The following BCKDHA variants were observed in gnomAD, a reference collection of about 807,000 sequenced individuals.
BCKDHA encodes 2-oxoisovalerate dehydrogenase subunit alpha, mitochondrial.
BCKDHA carries 43 observed loss-of-function variants against 52.2 expected under a neutral mutation model. That is an observed-to-expected ratio of 0.82 (90% CI 0.64 to 1.06). The LOEUF (loss-of-function observed/expected upper bound fraction) is 1.06. Among genes scored for constraint, BCKDHA ranks in the 50% least tolerant of loss-of-function variants. The pLI, the probability that BCKDHA is intolerant of heterozygous loss-of-function variation, is 0.00. For synonymous variants in BCKDHA, 234 were observed against 247.9 expected (o/e 0.94, Z 0.53); for missense variants, 527 against 621.3 (o/e 0.85, Z 1.61).
chr19:41,408,471 C>T (rs1455139755), intron 1 of BCKDHA, among the ~76,000 whole-genome samples: 1 of 152,144 alleles, frequency 6.6e-6, no homozygotes, highest in Non-Finnish European at 1.5e-5. Context: ...TGGTTCTAGG[C>T]TGCCTAGCTC....
intron 3 of BCKDHA, among the ~76,000 whole-genome samples, chr19:41,413,243 A>AAAGCAGACT (rs1055941233): frequency 4.1e-4 from 63 of 152,166 alleles, no homozygotes; most frequent in African/African-American, 1.5e-3. Context: ...CCAGAAAGCA[A>AAAGCAGACT]AAGCAGACTT....
chr19:41,402,129 C>A (rs531609552), intron 1 of BCKDHA, among the ~76,000 whole-genome samples: 1 of 152,252 alleles, frequency 6.6e-6, no homozygotes, highest in Admixed American at 6.5e-5. Flanking sequence ...CATCAGATCT[C>A]GTGAGACTTA....
rs532361185 is a variant in BCKDHA at position 41,422,173 on chromosome 19, C to A, written c.656C>A (p.Ala219Glu). 1 of 1,613,476 alleles carries A rather than the reference C, an allele frequency of 6.2e-7. No homozygotes were observed. Among genetic ancestry groups the A allele is most frequent in the African/African-American group, 1.3e-5 (1 of 74,988 alleles). Residue 219 changes from alanine (A) to glutamate (E), a missense_variant, in exon 6 of 9, where the codon GCG (alanine) becomes GAG (glutamate). Transcript: ENST00000269980. ...LATQIPQAVG[A>E]AYAAKRANAN... ...CTCTCATCCCCTGCAGCGGTGGGGG[C>A]GGCGTACGCAGCCAAGCGGGCCAAT... is the stretch of plus-strand genomic sequence containing the variant.
chr19:41,409,435 TC>T (rs1323088400), intron 1 of BCKDHA, among the ~76,000 whole-genome samples: 1 of 152,046 alleles, frequency 6.6e-6, no homozygotes, highest in East Asian at 1.9e-4. Context: ...CTGTCTTAGG[TC>T]CCCAGAACCC....
chr19:41,410,932 G>A lies in BCKDHA; in HGVS notation c.298G>A (p.Glu100Lys). Residue 100 changes from glutamate (E) to lysine (K), a missense_variant, in exon 3 of 9, where the codon GAG (glutamate) becomes AAG (lysine). Transcript: ENST00000269980. The part of the protein sequence containing the change: ...NPSEDPHLPK[E>K]KVLKLYKSMT... ...GTGCCTCCACCCGCAGCTGCCGAAG[G>A]AGAAGGTGCTGAAGCTCTACAAGAG... is the stretch of plus-strand genomic sequence containing the variant. The A allele has an allele frequency of 6.2e-7, 1 of 1,614,138 alleles. No homozygotes were observed. The highest frequency in any genetic ancestry group is 8.5e-7 in the Non-Finnish European group (1 of 1,180,026).
rs957516359 is a variant in BCKDHA at position 41,414,245 on chromosome 19, C to T, written c.484+88C>T. 28 of 1,284,682 alleles carry T rather than the reference C, an allele frequency of 2.2e-5. No individual in the cohort carries two copies. In the African/African-American group the frequency reaches 4.1e-4, roughly 19 times the overall value. The allele number at this position is 1,284,682 out of a possible 1,614,324, so 79.6% of individuals were successfully genotyped here. A position where few individuals can be genotyped will look rare whatever the true frequency, so the allele number is the denominator to read the frequency against. On this transcript the variant is annotated intron_variant, in intron 4 of 8. Transcript: ENST00000269980. The stretch of plus-strand genomic sequence containing the variant: ...GTGTTCTTCCAGGAGCAGCATAGTG[C>T]CAGGAAGGTCTAAGGAGCTGGAAGA...
rs4674 is a variant in BCKDHA at position 41,424,491 on chromosome 19, A to G, written c.1221A>G (p.Leu407=). ...AERKPKPNPN[L]LFSDVYQEMP... ...GGAAGCCCAAACCCAACCCCAACCT[A>G]CTCTTCTCAGACGTGTATCAGGAGA... is the stretch of plus-strand genomic sequence containing the variant. The change falls in exon 9 of 9, where the codon CTA becomes CTG. Residue 407 remains leucine (L), a synonymous_variant. Coordinates refer to ENST00000269980, the MANE Select transcript of BCKDHA (RefSeq NM_000709.4). 986,848 of 1,613,672 alleles carry G rather than the reference A, an allele frequency of 0.61. 305,356 individuals carry two copies. Among genetic ancestry groups the G allele is most frequent in the African/African-American group, 0.83 (61,945 of 74,942 alleles).
At chr19:41,412,009 C>T (rs974138874) in intron 3 of BCKDHA, among the ~76,000 whole-genome samples, 6 of 152,202 alleles carry the variant, frequency 3.9e-5, no homozygotes, top group Admixed American at 6.5e-5. Context: ...ACCGCCGAGC[C>T]GCGAGGAGCT....
chr19:41,417,178 A>AT (rs143101414), intron 4 of BCKDHA, among the ~76,000 whole-genome samples: 15,677 of 149,860 alleles, frequency 0.1, 917 homozygotes, highest in African/African-American at 0.14. Context: ...CACCTGGCTA[A>AT]TTTTTTTTTT....
intron 1 of BCKDHA, among the ~76,000 whole-genome samples, chr19:41,404,074 G>T (rs1040787372): frequency 1.3e-5 from 2 of 151,928 alleles, no homozygotes; most frequent in Non-Finnish European, 2.9e-5. Context: ...CTGCCTCCTC[G>T]GCTCAAGCGA....
intron 4 of BCKDHA, among the ~76,000 whole-genome samples, chr19:41,417,433 C>T (rs908966636): frequency 9.2e-5 from 14 of 152,162 alleles, no homozygotes; most frequent in Admixed American, 1.3e-4. Context: ...CTTGGACCTT[C>T]TTTGACCCTC....
At chr19:41,403,362 G>T (rs139570657) in intron 1 of BCKDHA, among the ~76,000 whole-genome samples, 1 of 152,312 alleles carries the variant, frequency 6.6e-6, no homozygotes, top group African/African-American at 2.4e-5. Context: ...TTGAGGCGGC[G>T]CCTCAGCTAC....
rs137852874 is a variant in BCKDHA, at chr19:41,422,262, G to A, written c.745G>A (p.Gly249Ser). The A allele has an allele frequency of 5.0e-6, 8 of 1,614,078 alleles. No individual in the cohort carries two copies. The highest frequency in any genetic ancestry group is 2.2e-5 in the South Asian group (2 of 91,096). The change falls in exon 6 of 9, where the codon GGC becomes AGC. Residue 249 changes from glycine (G) to serine (S), a missense_variant. Transcript: ENST00000269980. ...GAASEGDAHA[G>S]FNFAATLECP... ...AGCCAGTGAGGGGGACGCCCATGCC[G>A]GCTTCAACTTCGCTGCCACACTTGA...
chr19:41,406,693 C>G (rs2039196934), intron 1 of BCKDHA, among the ~76,000 whole-genome samples: 3 of 152,154 alleles, frequency 2.0e-5, no homozygotes, highest in Admixed American at 2.0e-4. Flanking sequence ...CCTCAGCCTC[C>G]CAAGTAGCTG....
At chr19:41,400,051 G>A (rs1374291391) in intron 1 of BCKDHA, among the ~76,000 whole-genome samples, 1 of 151,714 alleles carries the variant, frequency 6.6e-6, no homozygotes, top group Non-Finnish European at 1.5e-5. Flanking sequence ...CCAAAAGCAT[G>A]AGCCACTGCG....
chr19:41,410,052 C>G (rs1035579744), intron 1 of BCKDHA, among the ~76,000 whole-genome samples: 1 of 152,194 alleles, frequency 6.6e-6, no homozygotes, highest in Non-Finnish European at 1.5e-5. Context: ...ATTCGCCTGC[C>G]TCTGCCTCCT....
At position 41,397,915 on chromosome 19, in the gene BCKDHA, G is replaced by A. The variant is rs757748773; in HGVS notation, c.88G>A (p.Ala30Thr). 5 of 1,614,094 alleles carry A rather than the reference G, an allele frequency of 3.1e-6. No homozygotes were observed. The highest frequency in any genetic ancestry group is 3.4e-6 in the Non-Finnish European group (4 of 1,180,028). ...AALLLLRQPGARGLARSHPPR... is the reference protein window; with the variant it reads ...AALLLLRQPGTRGLARSHPPR... ...CCTCCTGCTGCTGCGGCAGCCTGGG[G>A]CTCGGGGACTGGCTAGATCTGTGAG... The change falls in exon 1 of 9, where the codon GCT (alanine) becomes ACT (threonine). Residue 30 changes from alanine to threonine, a missense_variant. By Grantham distance (58) the Ala-to-Thr change is moderately conservative (BLOSUM62 0). Transcript: ENST00000269980.
rs144372407 is a variant in BCKDHA, at chr19:41,422,716, G to A, written c.941G>A (p.Arg314Gln). Residue 314 changes from arginine to glutamine, a missense_variant, in exon 7 of 9, where the codon CGA (arginine) becomes CAA (glutamine). Physicochemically the swap from Arg to Gln is conservative, Grantham distance 43. Transcript: ENST00000269980. ...GTATACAACGCCACAAAGGAGGCCC[G>A]ACGGCGGGCTGTGGCAGAGAACCAG... ...FAVYNATKEARRRAVAENQPF... is the reference protein window; with the variant it reads ...FAVYNATKEAQRRAVAENQPF... 7.4e-6 allele frequency: 12 copies of A among 1,614,094 alleles called. No homozygotes were observed. The highest frequency in any genetic ancestry group is 1.3e-5 in the African/African-American group (1 of 75,036).
Position 41,404,939 on chromosome 19 carries a change from A to C in BCKDHA, c.109-5698A>C, listed in dbSNP as rs188202010. Among the ~76,000 whole-genome samples, 17 of 152,268 alleles carry C rather than the reference A, an allele frequency of 1.1e-4. No homozygotes were observed. The East Asian group carries it at 3.3e-3, about 29-fold the overall frequency. ...GTATTTTCATTTGGCTTACCTGTCA[A>C]CTTGACACTTTTTTGTTTTTTTAGG... On this transcript the variant is annotated intron_variant, in intron 1 of 8. Transcript: ENST00000269980.
Sources: gnomAD v4.1 joint callset for allele counts (sites outside exome capture counted in the v4.1 genomes callset) on GRCh38, gnomAD v4.1.1 for gene constraint, MANE v1.5 for transcripts, NCBI Gene and HGNC (gene_info 2026-07-23, HGNC 2026-07-21) for gene names.